EBF3: variants seen among roughly 807,000 people sequenced by gnomAD.
EBF3 encodes the protein transcription factor COE3.
EBF3 carries 18 observed loss-of-function variants against 77.1 expected under a neutral mutation model. The ratio of observed to expected loss-of-function variants is 0.23; its 90% CI spans 0.16 to 0.35. The LOEUF (loss-of-function observed/expected upper bound fraction) is 0.35. Ranked by LOEUF, EBF3 falls within the 10% of genes least tolerant of loss-of-function variation. EBF3 has a pLI of 1.00. For missense variants in EBF3, 558 were observed against 860.0 expected, an observed-to-expected ratio of 0.65 and a Z score of 4.39; for synonymous variants, 350 against 343.5, an observed-to-expected ratio of 1.02 and a Z score of -0.21.
intron 6 of EBF3, among the ~76,000 whole-genome samples, chr10:129,951,289 A>G (rs1858657187): frequency 6.6e-6 from 1 of 152,202 alleles, no homozygotes; most frequent in East Asian, 1.9e-4. Flanking sequence ...CAATTCACCC[A>G]TGCCATCCTA....
intron 6 of EBF3, among the ~76,000 whole-genome samples, chr10:129,907,634 T>G (rs1051206345): frequency 1.3e-5 from 2 of 152,180 alleles, no homozygotes; most frequent in Non-Finnish European, 2.9e-5. Context: ...TATTTAATTA[T>G]TAAGGTTGAA....
At chr10:129,954,031 C>A (rs1032237724) in intron 6 of EBF3, among the ~76,000 whole-genome samples, 1 of 152,108 alleles carries the variant, frequency 6.6e-6, no homozygotes, top group African/African-American at 2.4e-5. Context: ...CATTATTCCA[C>A]GAGGAAAATG....
In EBF3 at chr10:129,840,329, G is replaced by T; in HGVS notation, c.1675C>A (p.Gln559Lys). 6.3e-7 allele frequency: 1 copy of T among 1,587,378 alleles called. No individual in the cohort carries two copies. The highest frequency in any genetic ancestry group is 8.6e-7 in the Non-Finnish European group (1 of 1,166,576). Residue 559 changes from glutamine to lysine, a missense_variant, in exon 15 of 17, where the codon CAG becomes AAG. This residue lies in a region of EBF3 where 284 missense variants were observed against 368.3 expected (regional missense o/e 0.77). Transcript: ENST00000440978. The stretch of plus-strand genomic sequence containing the variant: ...ACCACGGGCGCGAAGGCGCTCTTCT[G>T]TTTCACTGCGGAGATGACATTGGCA... The part of the protein sequence containing the change: ...SPANVISAVK[Q>K]KSAFAPVVRP...
chr10:129,846,419 G>C (rs1172498890), intron 11 of EBF3, among the ~76,000 whole-genome samples: 3 of 151,872 alleles, frequency 2.0e-5, no homozygotes, highest in Non-Finnish European at 4.4e-5. Flanking sequence ...ACGCCGAGGA[G>C]GGGGCAGCAC....
At position 129,867,848 on chromosome 10, in the gene EBF3, G is replaced by C; in HGVS notation, c.846C>G (p.Ile282Met). 1 of 1,614,256 alleles carries C rather than the reference G, an allele frequency of 6.2e-7. No individual in the cohort carries two copies. Among genetic ancestry groups the C allele is most frequent in the Non-Finnish European group, 8.5e-7 (1 of 1,180,040 alleles). ...EGWTTGGATV[I>M]IIGDNFFDGL... is the part of the protein sequence containing the mutation. ...CGTCAAAGAAGTTGTCGCCAATTAT[G>C]ATGACGGTGGCACCCCCCGTGGTCC... Residue 282 changes from isoleucine (I) to methionine (M), a missense_variant, in exon 9 of 17, where the codon ATC becomes ATG. This residue lies in a region of EBF3 where 112 missense variants were observed against 207.7 expected (regional missense o/e 0.54). Coordinates refer to ENST00000440978, the MANE Select transcript of EBF3 (RefSeq NM_001375380.1).
intron 6 of EBF3, among the ~76,000 whole-genome samples, chr10:129,918,821 T>C (rs1055683532): frequency 1.3e-5 from 2 of 152,242 alleles, no homozygotes; most frequent in East Asian, 3.9e-4. Flanking sequence ...GGTTTACTCA[T>C]AGTGAGATCT....
At chr10:129,956,209 T>C (rs977886992) in intron 6 of EBF3, among the ~76,000 whole-genome samples, 2 of 152,258 alleles carry the variant, frequency 1.3e-5, no homozygotes, top group African/African-American at 4.8e-5. Flanking sequence ...CTCATGGAGT[T>C]TTCCGGGTTT....
At chr10:129,929,231 G>T (rs1354117683) in intron 6 of EBF3, among the ~76,000 whole-genome samples, 1 of 151,872 alleles carries the variant, frequency 6.6e-6, no homozygotes, top group African/African-American at 2.4e-5. Flanking sequence ...TTGAGACAGG[G>T]TCTGGCTTTG....
Position 129,963,152 on chromosome 10 carries a change from T to G in EBF3, c.292-147A>C. 2 of 1,232,230 alleles carry G rather than the reference T, an allele frequency of 1.6e-6. No individual in the cohort carries two copies. The highest frequency in any genetic ancestry group is 1.2e-6 in the Non-Finnish European group (1 of 860,214). 76.3% of individuals were successfully genotyped at this position (1,232,230 alleles called of 1,614,324 possible). A position where few individuals can be genotyped will look rare whatever the true frequency, so the allele number is the denominator to read the frequency against. Reference sequence around the variant, plus strand: ...CAGCGCGGTGATGTCACTTTCCTGCTGGAAGCCCAGCGTTCTCCTCGCCCC... The same window carrying G: ...CAGCGCGGTGATGTCACTTTCCTGCGGGAAGCCCAGCGTTCTCCTCGCCCC... On this transcript the variant is annotated intron_variant, in intron 2 of 16. Coordinates refer to ENST00000440978, the MANE Select transcript of EBF3 (RefSeq NM_001375380.1). This position sits in a 1 kb window ranked among gnomAD's most constrained non-coding sequence, Gnocchi z 7.1.
At chr10:129,852,434 C>T (rs1429202645) in intron 10 of EBF3, among the ~76,000 whole-genome samples, 1 of 152,152 alleles carries the variant, frequency 6.6e-6, no homozygotes, top group African/African-American at 2.4e-5. Flanking sequence ...CAGCTGGGGC[C>T]AGAGCAGCTC....
chr10:129,898,197 T>C (rs1055537096), intron 6 of EBF3, among the ~76,000 whole-genome samples: 3 of 152,222 alleles, frequency 2.0e-5, no homozygotes, highest in African/African-American at 7.2e-5. Context: ...GATAATTTCA[T>C]TAGTCTGAAG....
At chr10:129,931,575 G>A (rs935713377) in intron 6 of EBF3, among the ~76,000 whole-genome samples, 7 of 152,260 alleles carry the variant, frequency 4.6e-5, no homozygotes, top group Non-Finnish European at 7.3e-5. Context: ...GCGACTGTGA[G>A]CGCCCTGAGG....
At chr10:129,929,715 C>T (rs887177718) in intron 6 of EBF3, among the ~76,000 whole-genome samples, 2 of 152,176 alleles carry the variant, frequency 1.3e-5, no homozygotes, top group Non-Finnish European at 2.9e-5. Flanking sequence ...CACCATGGTG[C>T]CATCAAGGTG....
At chr10:129,877,245 C>T (rs1852849284) in intron 7 of EBF3, among the ~76,000 whole-genome samples, 1 of 152,068 alleles carries the variant, frequency 6.6e-6, no homozygotes, top group South Asian at 2.1e-4. Context: ...AATCCCAGCA[C>T]TTTCAGAGGC....
chr10:129,837,713 G>A lies in EBF3; in HGVS notation c.*230C>T, dbSNP rs1849694327. ...AATGTGAAAATATGAGAAAAGTTCA[G>A]TCAATAAAATGGAATTGTTCATGAA... is the stretch of plus-strand genomic sequence containing the variant. On this transcript the variant is annotated 3_prime_UTR_variant, in exon 17 of 17. Transcript: ENST00000440978. 15 of 568,960 alleles carry A rather than the reference G, an allele frequency of 2.6e-5. No homozygotes were observed. In the East Asian group the frequency reaches 4.5e-4, roughly 17 times the overall value. 35.2% of individuals were successfully genotyped at this position (568,960 alleles called of 1,614,324 possible). A position where few individuals can be genotyped will look rare whatever the true frequency, so the allele number is the denominator to read the frequency against.
At chr10:129,918,298 C>T (rs927714291) in intron 6 of EBF3, among the ~76,000 whole-genome samples, 1 of 152,192 alleles carries the variant, frequency 6.6e-6, no homozygotes, top group Non-Finnish European at 1.5e-5. Context: ...GGGGCCAAGA[C>T]CCCACTTCTG....
At chr10:129,907,544 G>A (rs1245793331) in intron 6 of EBF3, among the ~76,000 whole-genome samples, 1 of 152,226 alleles carries the variant, frequency 6.6e-6, no homozygotes, top group African/African-American at 2.4e-5. Flanking sequence ...GTGAGGTGCT[G>A]TGGCATTAAT....
Position 129,909,221 on chromosome 10 carries a change from C to A in EBF3, c.555-31372G>T, listed in dbSNP as rs76375796. ...GCTGCCCTGGATGGAAGAGGCCAGACATGGAGGGATAGGCCCTCTGCATGG... is the reference window on the plus strand; with the variant it reads ...GCTGCCCTGGATGGAAGAGGCCAGAAATGGAGGGATAGGCCCTCTGCATGG... On this transcript the variant is annotated intron_variant, in intron 6 of 16. Transcript: ENST00000440978. 8.3e-3 allele frequency among the ~76,000 whole-genome samples: 1,269 copies of A among 152,324 alleles called. 15 individuals are homozygous for A. Among genetic ancestry groups the A allele is most frequent in the South Asian group, 0.034 (164 of 4,826 alleles).
chr10:129,912,935 G>A (rs962878674), intron 6 of EBF3, among the ~76,000 whole-genome samples: 2 of 152,150 alleles, frequency 1.3e-5, no homozygotes, highest in Admixed American at 6.5e-5. Context: ...CATCTAAGTC[G>A]ACCTGATGAA....
Sources: gnomAD v4.1 joint callset for allele counts (sites outside exome capture counted in the v4.1 genomes callset) on GRCh38, gnomAD v4.1.1 for gene constraint, gnomAD v4.1.1 regional missense constraint, Gnocchi (gnomAD v3.1) non-coding constraint, MANE v1.5 for transcripts, NCBI Gene and HGNC (gene_info 2026-07-23, HGNC 2026-07-21) for gene names.